Variants in CCSER1 observed in about 807,000 individuals in gnomAD.
CCSER1 encodes the protein serine-rich coiled-coil domain-containing protein 1.
CCSER1 carries 41 observed loss-of-function variants against 82.0 expected under a neutral mutation model. The ratio of observed to expected loss-of-function variants is 0.50; its 90% CI spans 0.39 to 0.65. CCSER1 has a LOEUF of 0.65. Ranked by LOEUF, CCSER1 falls within the 30% of genes least tolerant of loss-of-function variation. CCSER1 has a pLI of 0.00. For synonymous variants in CCSER1, 414 were observed against 383.9 expected (o/e 1.08, Z -0.92); for missense variants, 1,119 against 1,064.2 (o/e 1.05, Z -0.72).
intron 4 of CCSER1, among the ~76,000 whole-genome samples, chr4:90,409,227 C>A (rs893842968): frequency 1.3e-5 from 2 of 152,190 alleles, no homozygotes; most frequent in Admixed American, 6.5e-5. Flanking sequence ...TCCAGGACAA[C>A]TTCCCCAATC....
At position 91,081,318 on chromosome 4, in the gene CCSER1, T is replaced by C. The variant is rs145867094; in HGVS notation, c.2173-4632T>C. Among the ~76,000 whole-genome samples the C allele has an allele frequency of 9.3e-3, 1,420 of 152,242 alleles. 18 individuals carry two copies. Among genetic ancestry groups the C allele is most frequent in the African/African-American group, 0.031 (1,289 of 41,568 alleles). On this transcript the variant is annotated intron_variant, in intron 9 of 10. Transcript: ENST00000509176. ...ACCAAAGACAAAAACCACATGATTA[T>C]CTCAATAGATGCAGAAAAGGCCTTC...
At chr4:91,018,867 G>A (rs2150521198) in intron 9 of CCSER1, among the ~76,000 whole-genome samples, 1 of 152,046 alleles carries the variant, frequency 6.6e-6, no homozygotes, top group South Asian at 2.1e-4. Context: ...TGATGTTGTT[G>A]GATGTCCCAC....
intron 10 of CCSER1, among the ~76,000 whole-genome samples, chr4:91,488,278 TTA>T (rs1343760615): frequency 6.6e-6 from 1 of 152,228 alleles, no homozygotes; most frequent in African/African-American, 2.4e-5. Flanking sequence ...GGCAATTATT[TTA>T]TGTGATTTTT....
intron 6 of CCSER1, among the ~76,000 whole-genome samples, chr4:90,699,973 G>T (rs1737732102): frequency 6.6e-6 from 1 of 151,514 alleles, no homozygotes; most frequent in Non-Finnish European, 1.5e-5. Flanking sequence ...AGTGCAATCT[G>T]CTTATGTCTC....
chr4:91,276,293 C>CTTT (rs545936410), intron 10 of CCSER1, among the ~76,000 whole-genome samples: 2 of 116,272 alleles, frequency 1.7e-5, no homozygotes, highest in Non-Finnish European at 3.6e-5. Flanking sequence ...GATGTCTTTC[C>CTTT]TTTTTTTTTT....
intron 10 of CCSER1, among the ~76,000 whole-genome samples, chr4:91,153,802 C>A (rs1396159393): frequency 6.6e-6 from 1 of 151,934 alleles, no homozygotes; most frequent in Non-Finnish European, 1.5e-5. Context: ...CTGGGTATCA[C>A]CAGCGGAGGC....
chr4:90,237,195 G>T (rs1378204404), intron 1 of CCSER1, among the ~76,000 whole-genome samples: 1 of 152,120 alleles, frequency 6.6e-6, no homozygotes, highest in Non-Finnish European at 1.5e-5. Flanking sequence ...TTATCTGCAT[G>T]AAGATGCTAA....
intron 3 of CCSER1, among the ~76,000 whole-genome samples, chr4:90,388,552 C>T (rs570146354): frequency 3.0e-4 from 45 of 150,796 alleles, no homozygotes; most frequent in Non-Finnish European, 4.0e-4. Context: ...TCAGGAGATC[C>T]GCTTGCCTTG....
intron 5 of CCSER1, among the ~76,000 whole-genome samples, chr4:90,490,027 G>A (rs567274872): frequency 6.6e-6 from 1 of 152,200 alleles, no homozygotes; most frequent in Admixed American, 6.5e-5. Context: ...AATCCTTTGG[G>A]TATATACCCA....
intron 3 of CCSER1, among the ~76,000 whole-genome samples, chr4:90,384,929 G>C (rs56985724): frequency 0.019 from 2,945 of 152,160 alleles, 70 homozygotes; most frequent in African/African-American, 0.06. Flanking sequence ...ATACCACTCT[G>C]TATGGCCCTA....
At chr4:91,587,888 T>TTAAAA (rs1764075789) in intron 10 of CCSER1, among the ~76,000 whole-genome samples, 1 of 151,650 alleles carries the variant, frequency 6.6e-6, no homozygotes, top group Non-Finnish European at 1.5e-5. Context: ...AATCAAGGTA[T>TTAAAA]TAAAATACAT....
At chr4:90,284,498 T>A (rs1019866461) in intron 1 of CCSER1, among the ~76,000 whole-genome samples, 13 of 148,184 alleles carry the variant, frequency 8.8e-5, no homozygotes, top group African/African-American at 2.3e-4. Flanking sequence ...GAATTGATTT[T>A]TTTTTTTTTT....
At chr4:90,884,837 A>T (rs1721879872) in intron 8 of CCSER1, among the ~76,000 whole-genome samples, 1 of 152,120 alleles carries the variant, frequency 6.6e-6, no homozygotes, top group African/African-American at 2.4e-5. Flanking sequence ...GATAGGAAAG[A>T]TTTCAGCATT....
chr4:91,602,229 T>C lies in CCSER1; in HGVS notation c.*3172T>C, dbSNP rs1219160431. ...AAAGTGTTTACAAAGATTTTCATGA[T>C]TAATCTGGGTTTATGATTTAATCCT... On this transcript the variant is annotated 3_prime_UTR_variant, in exon 11 of 11. Coordinates refer to ENST00000509176, the MANE Select transcript of CCSER1 (RefSeq NM_001145065.2). Among the ~76,000 whole-genome samples the C allele has an allele frequency of 4.6e-5, 7 of 152,082 alleles. No individual in the cohort carries two copies. The highest frequency in any genetic ancestry group is 1.7e-4 in the African/African-American group (7 of 41,452).
intron 10 of CCSER1, among the ~76,000 whole-genome samples, chr4:91,328,440 C>G (rs1190944704): frequency 6.6e-6 from 1 of 152,166 alleles, no homozygotes; most frequent in Non-Finnish European, 1.5e-5. Context: ...CTCACTATCA[C>G]AAGAACAGCA....
At chr4:91,554,062 G>C (rs1482258479) in intron 10 of CCSER1, among the ~76,000 whole-genome samples, 2 of 148,160 alleles carry the variant, frequency 1.3e-5, no homozygotes, top group Non-Finnish European at 3.0e-5. Context: ...ACTGCCTTCT[G>C]TAAGTTTTGG....
intron 10 of CCSER1, among the ~76,000 whole-genome samples, chr4:91,095,503 G>T (rs947256407): frequency 6.6e-6 from 1 of 152,054 alleles, no homozygotes; most frequent in South Asian, 2.1e-4. Context: ...ACAAATACTT[G>T]ATCAGCTATC....
At chr4:91,402,036 T>C (rs1460339832) in intron 10 of CCSER1, among the ~76,000 whole-genome samples, 1 of 152,232 alleles carries the variant, frequency 6.6e-6, no homozygotes, top group East Asian at 1.9e-4. Context: ...AGTGTTCCTA[T>C]TTCTCCACAT....
chr4:90,754,324 G>A (rs1245050950), intron 7 of CCSER1, among the ~76,000 whole-genome samples: 3 of 152,094 alleles, frequency 2.0e-5, no homozygotes, highest in Admixed American at 6.6e-5. Context: ...ATACGTTTAT[G>A]TATATATAAT....
Sources: allele counts gnomAD v4.1 joint callset (sites outside exome capture counted in the v4.1 genomes callset), GRCh38; gene constraint gnomAD v4.1.1; transcripts MANE v1.5; gene names NCBI Gene and HGNC (gene_info 2026-07-23, HGNC 2026-07-21).